The following MMP16 variants were observed in gnomAD, a reference collection of about 807,000 sequenced individuals.
MMP16 encodes matrix metalloproteinase-16.
A neutral mutation model predicts 67.8 loss-of-function variants in MMP16; 12 were observed. The ratio of observed to expected loss-of-function variants is 0.18; its 90% CI spans 0.11 to 0.29. The LOEUF is 0.29. Among genes scored for constraint, MMP16 ranks in the 10% least tolerant of loss-of-function variants. The pLI is 1.00. For synonymous variants in MMP16, 249 were observed against 255.9 expected, an observed-to-expected ratio of 0.97 and a Z score of 0.26; for missense variants, 475 against 765.7, an observed-to-expected ratio of 0.62 and a Z score of 4.48.
intron 1 of MMP16, among the ~76,000 whole-genome samples, chr8:88,257,696 G>C (rs951805069): frequency 1.3e-5 from 2 of 152,166 alleles, no homozygotes; most frequent in Non-Finnish European, 1.5e-5. Flanking sequence ...TAAACACTAT[G>C]CATTGAACAA....
At chr8:88,324,126 T>C (rs1225458165) in intron 1 of MMP16, among the ~76,000 whole-genome samples, 1 of 152,174 alleles carries the variant, frequency 6.6e-6, no homozygotes, top group Non-Finnish European at 1.5e-5. Context: ...GAGCAGTGTA[T>C]TGAATCTCTT....
intron 6 of MMP16, among the ~76,000 whole-genome samples, chr8:88,110,637 T>C (rs1198469733): frequency 6.6e-6 from 1 of 151,576 alleles, no homozygotes; most frequent in Non-Finnish European, 1.5e-5. Context: ...TATTGTTTTG[T>C]TTGTAAAACA....
At chr8:88,307,635 G>A (rs1210946160) in intron 1 of MMP16, among the ~76,000 whole-genome samples, 1 of 151,860 alleles carries the variant, frequency 6.6e-6, no homozygotes, top group Non-Finnish European at 1.5e-5. Context: ...AAACAAATGA[G>A]TCTCCATTTC....
chr8:88,094,445 C>T (rs1331407907), intron 6 of MMP16, among the ~76,000 whole-genome samples: 7 of 151,528 alleles, frequency 4.6e-5, no homozygotes, highest in Non-Finnish European at 1.0e-4. Context: ...ATAAGATGGG[C>T]TATTGCTTTA....
intron 1 of MMP16, among the ~76,000 whole-genome samples, chr8:88,318,484 A>T (rs542689760): frequency 7.2e-4 from 109 of 152,314 alleles, no homozygotes; most frequent in African/African-American, 2.6e-3. Flanking sequence ...ACATCATTTT[A>T]GTTTGGAATA....
chr8:88,263,023 C>CAAATAAATAAATAAAT (rs35062853), intron 1 of MMP16, among the ~76,000 whole-genome samples: 278 of 146,674 alleles, frequency 1.9e-3, no homozygotes, highest in Middle Eastern at 0.014. Context: ...GACTCCGTCT[C>CAAATAAATAAATAAAT]AAATAAATAA....
intron 1 of MMP16, among the ~76,000 whole-genome samples, chr8:88,279,427 A>G (rs1381834792): frequency 6.6e-6 from 1 of 152,174 alleles, no homozygotes; most frequent in Non-Finnish European, 1.5e-5. Flanking sequence ...TCTTTTGGTC[A>G]GAACTAGTCT....
chr8:88,118,362 G>T (rs1485088423), intron 5 of MMP16, among the ~76,000 whole-genome samples: 1 of 150,530 alleles, frequency 6.6e-6, no homozygotes, highest in Non-Finnish European at 1.5e-5. Context: ...ATTTTTCCTT[G>T]TTTTTTTTTG....
chr8:88,176,358 C>T (rs1174741759), intron 3 of MMP16, among the ~76,000 whole-genome samples: 1 of 152,108 alleles, frequency 6.6e-6, no homozygotes, highest in Non-Finnish European at 1.5e-5. Flanking sequence ...CTTAATCCTC[C>T]CTCCCTTCCT....
At chr8:88,124,320 T>C (rs956225199) in intron 4 of MMP16, among the ~76,000 whole-genome samples, 3 of 151,972 alleles carry the variant, frequency 2.0e-5, no homozygotes, top group African/African-American at 7.2e-5. Flanking sequence ...AGGTACTTAA[T>C]GTGTTAGTTC....
intron 4 of MMP16, among the ~76,000 whole-genome samples, chr8:88,135,796 A>G (rs1163074615): frequency 6.6e-6 from 1 of 152,030 alleles, no homozygotes; most frequent in South Asian, 2.1e-4. Context: ...AATATAAAAA[A>G]CTATAGCAGG....
At chr8:88,084,387 A>G (rs1034371075) in intron 6 of MMP16, among the ~76,000 whole-genome samples, 3 of 151,954 alleles carry the variant, frequency 2.0e-5, no homozygotes, top group African/African-American at 7.2e-5. Flanking sequence ...ACTTAAGACA[A>G]GCAATCAAAC....
At chr8:88,149,310 G>C (rs1038914837) in intron 4 of MMP16, among the ~76,000 whole-genome samples, 1 of 152,334 alleles carries the variant, frequency 6.6e-6, no homozygotes, top group East Asian at 1.9e-4. Flanking sequence ...GCCCAGGCTT[G>C]CTTAGGTAAA....
intron 1 of MMP16, among the ~76,000 whole-genome samples, chr8:88,319,225 A>T (rs1276281538): frequency 6.6e-6 from 1 of 152,180 alleles, no homozygotes; most frequent in Non-Finnish European, 1.5e-5. Context: ...AAAGGATTTT[A>T]GTCATATCTT....
intron 1 of MMP16, among the ~76,000 whole-genome samples, chr8:88,206,425 T>G (rs534404549): frequency 9.2e-5 from 14 of 152,292 alleles, no homozygotes; most frequent in African/African-American, 3.4e-4. Context: ...CTCTGGGTAT[T>G]TAGGTGTCCT....
At chr8:88,132,209 G>C (rs1174673037) in intron 4 of MMP16, among the ~76,000 whole-genome samples, 1 of 151,662 alleles carries the variant, frequency 6.6e-6, no homozygotes, top group African/African-American at 2.4e-5. Context: ...GTGTATATAC[G>C]TAAGAATAAA....
chr8:88,174,438 C>G (rs1224986893), intron 3 of MMP16, among the ~76,000 whole-genome samples: 2 of 152,032 alleles, frequency 1.3e-5, no homozygotes, highest in East Asian at 3.9e-4. Flanking sequence ...AAAGTTTAAC[C>G]AAAGCCTGTT....
intron 4 of MMP16, among the ~76,000 whole-genome samples, chr8:88,144,447 A>G (rs1294651187): frequency 6.6e-6 from 1 of 151,790 alleles, no homozygotes; most frequent in Admixed American, 6.6e-5. Context: ...GTATATATGT[A>G]TATGTGTGTG....
Position 88,111,570 on chromosome 8 carries a change from C to T in MMP16, c.1083+4937G>A, listed in dbSNP as rs535105368. 6.1e-4 allele frequency among the ~76,000 whole-genome samples: 93 copies of T among 151,582 alleles called. 3 individuals are homozygous for T. In the South Asian group the frequency reaches 0.017, roughly 27 times the overall value. ...ATCAGAGAGGTATGGGGAAATGGGC[C>T]GATCATGTAGCCTTGTGAGCAACTG... On this transcript the variant is annotated intron_variant, in intron 6 of 9. Transcript: ENST00000286614.
Sources: allele counts gnomAD v4.1 joint callset (sites outside exome capture counted in the v4.1 genomes callset), GRCh38; gene constraint gnomAD v4.1.1; transcripts MANE v1.5; gene names NCBI Gene and HGNC (gene_info 2026-07-23, HGNC 2026-07-21).